Variants in SUSD1 observed in about 807,000 individuals in gnomAD.
SUSD1 encodes the protein sushi domain-containing protein 1.
SUSD1 carries 65 observed loss-of-function variants against 86.9 expected under a neutral mutation model. The ratio of observed to expected loss-of-function variants is 0.75; its 90% CI spans 0.61 to 0.92. The LOEUF is 0.92. SUSD1 is among the 40% of genes least tolerant of loss of function. The pLI is 0.00. For synonymous variants in SUSD1, 346 were observed against 350.0 expected, an observed-to-expected ratio of 0.99 and a Z score of 0.13; for missense variants, 850 against 929.7, an observed-to-expected ratio of 0.91 and a Z score of 1.11.
chr9:112,047,596 CT>C (rs746748371), intron 15 of SUSD1, among the ~76,000 whole-genome samples: 5 of 152,126 alleles, frequency 3.3e-5, no homozygotes, highest in Non-Finnish European at 5.9e-5. Context: ...GAGTTGGGAC[CT>C]AGTGGGAACT....
At chr9:112,097,993 T>C (rs781699398) in intron 10 of SUSD1, among the ~76,000 whole-genome samples, 3 of 152,168 alleles carry the variant, frequency 2.0e-5, no homozygotes, top group Non-Finnish European at 4.4e-5. Flanking sequence ...GGGAAGAATT[T>C]CTAAGGAGCC....
intron 3 of SUSD1, among the ~76,000 whole-genome samples, chr9:112,148,685 C>T (rs1832910597): frequency 6.6e-6 from 1 of 152,104 alleles, no homozygotes; most frequent in African/African-American, 2.4e-5. Flanking sequence ...GCGGGCAGAT[C>T]ACTTGAGGCC....
At chr9:112,128,119 G>C (rs1458194805) in intron 5 of SUSD1, among the ~76,000 whole-genome samples, 1 of 150,528 alleles carries the variant, frequency 6.6e-6, no homozygotes, top group African/African-American at 2.4e-5. Flanking sequence ...TTTTGAGACA[G>C]TCTCACTCTG....
rs1311943055 is a variant in SUSD1 at position 112,056,326 on chromosome 9, G to C, written c.2109+2102C>G. ...GCCAAGGGCTGTGGAAGGAAGGAAT[G>C]GGGAGTCATTTAATGGGTATAAAGT... On this transcript the variant is annotated intron_variant, in intron 14 of 16. Transcript: ENST00000374270. 2.0e-5 allele frequency among the ~76,000 whole-genome samples: 3 copies of C among 152,068 alleles called. No homozygotes were observed. In the East Asian group the frequency reaches 5.8e-4, roughly 29 times the overall value.
intron 5 of SUSD1, among the ~76,000 whole-genome samples, chr9:112,130,059 T>A (rs1390117035): frequency 6.6e-6 from 1 of 152,108 alleles, no homozygotes; most frequent in Admixed American, 6.5e-5. Context: ...AGAAAGTTGT[T>A]CAGGCCTCAG....
chr9:112,053,354 A>G (rs894378278), intron 14 of SUSD1, among the ~76,000 whole-genome samples: 2 of 151,776 alleles, frequency 1.3e-5, no homozygotes, highest in African/African-American at 4.8e-5. Context: ...ATCCCTACTG[A>G]AAATATAAAA....
chr9:112,137,170 G>C (rs1832301102), intron 5 of SUSD1, among the ~76,000 whole-genome samples: 1 of 152,116 alleles, frequency 6.6e-6, no homozygotes, highest in South Asian at 2.1e-4. Flanking sequence ...CACCTCTAGA[G>C]AATCAGGCTT....
rs115995446 is a variant in SUSD1, at chr9:112,043,123, T to C, written c.2150-1163A>G. Among the ~76,000 whole-genome samples, 1,430 of 152,094 alleles carry C rather than the reference T, an allele frequency of 9.4e-3. 30 individuals are homozygous for C. The highest frequency in any genetic ancestry group is 0.033 in the African/African-American group (1,351 of 41,458). ...GATAATAGCCCTTTCCCCAAACAAA[T>C]CCCCATCCTGTCTGGGGACTAGACT... is the stretch of plus-strand genomic sequence containing the variant. On this transcript the variant is annotated intron_variant, in intron 15 of 16. Transcript: ENST00000374270.
Position 112,060,775 on chromosome 9 carries a change from T to G in SUSD1, c.1851-2089A>C, listed in dbSNP as rs915801495. 2.0e-5 allele frequency among the ~76,000 whole-genome samples: 3 copies of G among 152,216 alleles called. No homozygotes were observed. In the South Asian group the frequency reaches 6.2e-4, roughly 32 times the overall value. ...TTGCCGGGAGACTTGAAGACATCCC[T>G]ACATCATAGCCACAGGTAAGAAAGT... is the stretch of plus-strand genomic sequence containing the variant. On this transcript the variant is annotated intron_variant, in intron 13 of 16. Coordinates refer to ENST00000374270, the MANE Select transcript of SUSD1 (RefSeq NM_022486.5).
intron 6 of SUSD1, among the ~76,000 whole-genome samples, chr9:112,115,824 GA>G (rs58111856): frequency 7.4e-5 from 9 of 120,952 alleles, no homozygotes; most frequent in South Asian, 2.7e-4. Context: ...AAAAAAAAAA[GA>G]AAAAAAAAAG....
At chr9:112,172,626 G>C (rs62569097) in intron 1 of SUSD1, among the ~76,000 whole-genome samples, 3 of 152,098 alleles carry the variant, frequency 2.0e-5, no homozygotes, top group Admixed American at 6.5e-5. Flanking sequence ...TTCTCCTTCC[G>C]TAGAAACATA....
chr9:112,064,232 C>T (rs1828871659), intron 12 of SUSD1, among the ~76,000 whole-genome samples: 2 of 152,120 alleles, frequency 1.3e-5, no homozygotes, highest in Non-Finnish European at 2.9e-5. Context: ...AGGAACCAGG[C>T]CACACAGCAG....
At chr9:112,173,878 A>C in intron 1 of SUSD1, 2 of 288,828 alleles carry the variant, frequency 6.9e-6, no homozygotes, top group Non-Finnish European at 1.4e-5. Context: ...ACCCCTTTAA[A>C]AGATTCGTAT....
At chr9:112,124,149 A>C (rs1245340525) in intron 6 of SUSD1, 108 bp downstream of exon 6, 1 of 1,087,896 alleles carries the variant, frequency 9.2e-7, no homozygotes, top group Non-Finnish European at 1.3e-6. Context: ...TAAATAGCCG[A>C]GCTGGGTACA....
At chr9:112,162,715 T>G (rs1166255020) in intron 1 of SUSD1, among the ~76,000 whole-genome samples, 1 of 152,214 alleles carries the variant, frequency 6.6e-6, no homozygotes, top group Non-Finnish European at 1.5e-5. Flanking sequence ...AGTATACAGC[T>G]GTAACTTCTG....
intron 2 of SUSD1, among the ~76,000 whole-genome samples, chr9:112,155,009 G>A (rs1232329690): frequency 6.6e-6 from 1 of 152,046 alleles, no homozygotes. Context: ...CCAGCACTTT[G>A]GGAGTCTGAG....
At chr9:112,115,825 A>G (rs868320008) in intron 6 of SUSD1, among the ~76,000 whole-genome samples, 1 of 368 alleles carries the variant, frequency 2.7e-3, no homozygotes, top group African/African-American at 6.9e-3. Context: ...AAAAAAAAAG[A>G]AAAAAAAAAG....
intron 8 of SUSD1, among the ~76,000 whole-genome samples, chr9:112,105,893 C>T (rs1001850161): frequency 6.6e-5 from 10 of 152,096 alleles, no homozygotes; most frequent in African/African-American, 2.2e-4. Context: ...AAACATTTGC[C>T]GGGTACATTA....
In SUSD1 at chr9:112,052,563, A is replaced by C. The variant is rs926986236; in HGVS notation, c.2110-125T>G. 7.5e-6 allele frequency: 8 copies of C among 1,066,722 alleles called. No individual in the cohort carries two copies. In the African/African-American group the frequency reaches 1.3e-4, roughly 17 times the overall value. The allele number at this position is 1,066,722 out of a possible 1,614,324, so 66.1% of individuals were successfully genotyped here. ...ATCTCTTAATCTGAACTAGACCTTT[A>C]AAGTCCAATCTAGCTCTAATATCTT... On this transcript the variant is annotated intron_variant, in intron 14 of 16. Transcript: ENST00000374270.
Sources: gnomAD v4.1 joint callset for allele counts (sites outside exome capture counted in the v4.1 genomes callset) on GRCh38, gnomAD v4.1.1 for gene constraint, MANE v1.5 for transcripts, NCBI Gene and HGNC (gene_info 2026-07-23, HGNC 2026-07-21) for gene names.